ZRANB3: variants seen among roughly 807,000 people sequenced by gnomAD.
ZRANB3 encodes the protein zinc finger RANBP2-type containing 3.
ZRANB3 carries 125 observed loss-of-function variants against 133.8 expected under a neutral mutation model. The ratio of observed to expected loss-of-function variants is 0.93; its 90% CI spans 0.81 to 1.08. The LOEUF (loss-of-function observed/expected upper bound fraction) is 1.08, where lower values mean the gene tolerates loss of function less well. ZRANB3 is among the 50% of genes least tolerant of loss of function. The pLI, the probability that ZRANB3 is intolerant of heterozygous loss-of-function variation, is 0.00. For missense variants in ZRANB3, 1,229 were observed against 1,275.5 expected (o/e 0.96, Z 0.56); for synonymous variants, 387 against 432.7 (o/e 0.89, Z 1.31).
intron 12 of ZRANB3, among the ~76,000 whole-genome samples, chr2:135,263,780 ATT>A (rs869251850): frequency 6.9e-6 from 1 of 144,180 alleles, no homozygotes. Flanking sequence ...GTTCATAGTA[ATT>A]TTTTTTTTTT....
chr2:135,353,400 G>T, intron 4 of ZRANB3, 50 bp downstream of exon 4: 1 of 1,332,910 alleles, frequency 7.5e-7, no homozygotes, highest in Non-Finnish European at 1.0e-6. Context: ...TATATACCAG[G>T]TACACACAAG....
intron 3 of ZRANB3, among the ~76,000 whole-genome samples, chr2:135,363,049 C>A (rs1206460003): frequency 6.6e-6 from 1 of 152,114 alleles, no homozygotes; most frequent in Non-Finnish European, 1.5e-5. Flanking sequence ...TACAGCTCTA[C>A]AACGTAGTAG....
intron 9 of ZRANB3, among the ~76,000 whole-genome samples, chr2:135,274,617 AT>A (rs1439943139): frequency 2.6e-5 from 4 of 151,590 alleles, no homozygotes. Flanking sequence ...TTTTTAATTT[AT>A]TTTTTATTTA....
At chr2:135,448,978 T>A (rs186040081) in intron 2 of ZRANB3, among the ~76,000 whole-genome samples, 135 of 152,330 alleles carry the variant, frequency 8.9e-4, no homozygotes, top group African/African-American at 3.2e-3. Flanking sequence ...TGTGGGCCTA[T>A]GACTAAAATA....
intron 2 of ZRANB3, among the ~76,000 whole-genome samples, chr2:135,502,350 TAC>T (rs1692987414): frequency 6.6e-6 from 1 of 152,230 alleles, no homozygotes; most frequent in Non-Finnish European, 1.5e-5. Context: ...CTCATTTTGC[TAC>T]ATGTATCCAT....
chr2:135,504,949 T>C (rs1693107632), intron 1 of ZRANB3, among the ~76,000 whole-genome samples: 2 of 152,036 alleles, frequency 1.3e-5, no homozygotes, highest in Non-Finnish European at 2.9e-5. Context: ...TTAAAAAAAT[T>C]ATAAAATACA....
intron 2 of ZRANB3, among the ~76,000 whole-genome samples, chr2:135,483,491 A>G (rs1365740195): frequency 6.6e-6 from 1 of 151,876 alleles, no homozygotes; most frequent in South Asian, 2.1e-4. Flanking sequence ...TATTGCGTCT[A>G]TTTGATTCTT....
At chr2:135,293,386 GCTCT>G (rs1256643275) in intron 8 of ZRANB3, among the ~76,000 whole-genome samples, 2 of 151,802 alleles carry the variant, frequency 1.3e-5, no homozygotes, top group Admixed American at 6.6e-5. Flanking sequence ...TCATGATTTG[GCTCT>G]CTGTTTGTCT....
intron 3 of ZRANB3, among the ~76,000 whole-genome samples, chr2:135,378,745 C>T (rs1327413804): frequency 2.0e-5 from 3 of 152,016 alleles, no homozygotes; most frequent in African/African-American, 7.2e-5. Flanking sequence ...ATGGTCTTCC[C>T]CCAAAAAACA....
intron 12 of ZRANB3, among the ~76,000 whole-genome samples, chr2:135,258,974 T>C (rs1438323574): frequency 6.6e-6 from 1 of 152,220 alleles, no homozygotes; most frequent in Non-Finnish European, 1.5e-5. Flanking sequence ...AAAGCAAACA[T>C]TTCATACAAT....
chr2:135,355,353 C>G, intron 3 of ZRANB3: 1 of 564,216 alleles, frequency 1.8e-6, no homozygotes, highest in African/African-American at 2.0e-5. Flanking sequence ...CTTTAACAAT[C>G]ACAGATCTTT....
intron 8 of ZRANB3, among the ~76,000 whole-genome samples, chr2:135,280,011 A>C (rs1283511250): frequency 6.6e-6 from 1 of 152,218 alleles, no homozygotes; most frequent in Non-Finnish European, 1.5e-5. Flanking sequence ...TATCCTAATA[A>C]AAACTATCAC....
At chr2:135,421,095 C>G (rs567260875) in intron 2 of ZRANB3, among the ~76,000 whole-genome samples, 10 of 152,244 alleles carry the variant, frequency 6.6e-5, no homozygotes, top group African/African-American at 2.4e-4. Flanking sequence ...GGAAACCACT[C>G]TGAAATGAAA....
Position 135,233,444 on chromosome 2 carries a change from G to A in ZRANB3, c.1540-2517C>T, listed in dbSNP as rs113612795. 3.1e-3 allele frequency among the ~76,000 whole-genome samples: 466 copies of A among 152,166 alleles called. 3 individuals carry two copies. Among genetic ancestry groups the A allele is most frequent in the African/African-American group, 0.01 (426 of 41,516 alleles). On this transcript the variant is annotated intron_variant, in intron 12 of 20. Transcript: ENST00000264159. ...TTCAAATTCAGGAAATACAGAGAAC[G>A]CCACAAAGATACTCCTCGAGAAGAG... is the stretch of plus-strand genomic sequence containing the variant.
intron 3 of ZRANB3, among the ~76,000 whole-genome samples, chr2:135,372,647 C>T (rs567859915): frequency 3.2e-4 from 48 of 151,836 alleles, no homozygotes; most frequent in Middle Eastern, 3.4e-3. Flanking sequence ...ATTTGTTGGG[C>T]GTGGTGGTGG....
At chr2:135,292,461 ATTTG>A (rs781174332) in intron 8 of ZRANB3, among the ~76,000 whole-genome samples, 19 of 152,036 alleles carry the variant, frequency 1.2e-4, no homozygotes, top group Non-Finnish European at 1.5e-5. Flanking sequence ...TTTCTTGTAA[ATTTG>A]TTTGAGTGCA....
intron 2 of ZRANB3, among the ~76,000 whole-genome samples, chr2:135,484,453 T>C (rs1691998961): frequency 6.6e-6 from 1 of 152,158 alleles, no homozygotes; most frequent in Non-Finnish European, 1.5e-5. Flanking sequence ...TTGTCAATTA[T>C]TTTTAACCAT....
At chr2:135,315,579 A>C (rs1683212167) in intron 6 of ZRANB3, 49 bp from the exon 7 acceptor site, 1 of 1,297,290 alleles carries the variant, frequency 7.7e-7, no homozygotes, top group African/African-American at 1.5e-5. Flanking sequence ...GCTGGAGTTA[A>C]GAAAATAATT....
chr2:135,253,970 T>C (rs1679526504), intron 12 of ZRANB3, among the ~76,000 whole-genome samples: 2 of 152,230 alleles, frequency 1.3e-5, no homozygotes, highest in South Asian at 4.1e-4. Context: ...CTCATGACAC[T>C]ACATACTTCC....
Sources: gnomAD v4.1 joint callset for allele counts (sites outside exome capture counted in the v4.1 genomes callset) on GRCh38, gnomAD v4.1.1 for gene constraint, MANE v1.5 for transcripts, NCBI Gene and HGNC (gene_info 2026-07-23, HGNC 2026-07-21) for gene names.